Variants in PDE4B observed in about 807,000 individuals in gnomAD.
PDE4B encodes 3',5'-cyclic-AMP phosphodiesterase 4B.
In PDE4B, 20 loss-of-function variants were observed where a neutral mutation model predicts 82.2. The observed-to-expected ratio is 0.24, with a 90% CI of 0.17 to 0.35. PDE4B has a LOEUF of 0.35. Among genes scored for constraint, PDE4B ranks in the 10% least tolerant of loss-of-function variants. The pLI is 1.00. For synonymous variants in PDE4B, 320 were observed against 318.9 expected, an observed-to-expected ratio of 1.00 and a Z score of -0.04; for missense variants, 655 against 907.2, an observed-to-expected ratio of 0.72 and a Z score of 3.57.
rs544789956 is a variant in PDE4B at position 66,298,090 on chromosome 1, G to A, written c.634+32003G>A. Among the ~76,000 whole-genome samples, 20 of 152,188 alleles carry A rather than the reference G, an allele frequency of 1.3e-4. No individual in the cohort carries two copies. In the South Asian group the frequency reaches 3.9e-3, roughly 30 times the overall value. On this transcript the variant is annotated intron_variant, in intron 7 of 16. Coordinates refer to ENST00000341517, the MANE Select transcript of PDE4B (RefSeq NM_002600.4). The stretch of plus-strand genomic sequence containing the variant: ...TACTAAGATGATATAAAAGAGAGTG[G>A]CAAATCCTATAGCACTGTGCTAATT...
intron 1 of PDE4B, among the ~76,000 whole-genome samples, chr1:65,877,916 A>G (rs1646665001): frequency 6.6e-6 from 1 of 152,162 alleles, no homozygotes. Context: ...GGTTCTGCAC[A>G]GCAAAAGAAA....
intron 7 of PDE4B, among the ~76,000 whole-genome samples, chr1:66,290,177 A>G (rs930203357): frequency 1.1e-4 from 16 of 152,156 alleles, no homozygotes; most frequent in African/African-American, 3.6e-4. Context: ...AAGTTTTAAG[A>G]GTTGCACAGA....
intron 3 of PDE4B, among the ~76,000 whole-genome samples, chr1:66,083,251 C>G (rs1316034296): frequency 1.3e-5 from 2 of 152,074 alleles, no homozygotes; most frequent in Non-Finnish European, 2.9e-5. Context: ...CCTCCTCTGT[C>G]AAGTCTGAAG....
At chr1:65,992,695 A>G (rs1165789507) in intron 3 of PDE4B, 1 of 1,304,392 alleles carries the variant, frequency 7.7e-7, no homozygotes, top group Non-Finnish European at 9.7e-7. Flanking sequence ...TCAGAGGCAA[A>G]GCCAGCCTGA....
chr1:66,288,765 TAAG>T (rs1487762856), intron 7 of PDE4B, among the ~76,000 whole-genome samples: 4 of 152,038 alleles, frequency 2.6e-5, no homozygotes, highest in African/African-American at 9.7e-5. Flanking sequence ...ATGGCAGTGA[TAAG>T]GAGTTCACAG....
intron 3 of PDE4B, among the ~76,000 whole-genome samples, chr1:66,197,476 T>C (rs1431436881): frequency 6.6e-6 from 1 of 152,124 alleles, no homozygotes; most frequent in African/African-American, 2.4e-5. Context: ...GAGACACACA[T>C]GATATTTATA....
At chr1:66,085,945 A>G (rs1656984204) in intron 3 of PDE4B, among the ~76,000 whole-genome samples, 1 of 152,092 alleles carries the variant, frequency 6.6e-6, no homozygotes, top group Non-Finnish European at 1.5e-5. Context: ...TTGTGATTTA[A>G]AATGGAGAAA....
intron 1 of PDE4B, among the ~76,000 whole-genome samples, chr1:65,807,830 G>A (rs767023968): frequency 6.6e-6 from 1 of 152,164 alleles, no homozygotes; most frequent in African/African-American, 2.4e-5. Flanking sequence ...GTGGCCCCTT[G>A]GTTGGTGTCA....
At chr1:66,301,319 A>G (rs1023331723) in intron 7 of PDE4B, among the ~76,000 whole-genome samples, 3 of 152,148 alleles carry the variant, frequency 2.0e-5, no homozygotes, top group Non-Finnish European at 2.9e-5. Context: ...CAGCCCTGTA[A>G]GAGGTTTGGG....
At chr1:65,839,314 G>C (rs1170967508) in intron 1 of PDE4B, among the ~76,000 whole-genome samples, 1 of 151,528 alleles carries the variant, frequency 6.6e-6, no homozygotes, top group Non-Finnish European at 1.5e-5. Flanking sequence ...TACATGTGCA[G>C]AACATGCAGG....
intron 7 of PDE4B, chr1:66,332,056 A>G (rs1660153230): frequency 1.9e-6 from 2 of 1,079,900 alleles, no homozygotes; most frequent in South Asian, 3.7e-5. Context: ...AAGCAAAATG[A>G]GAAAAAGCTT....
In PDE4B at chr1:66,041,472, C is replaced by G. The variant is rs142760605; in HGVS notation, c.281+122637C>G. Among the ~76,000 whole-genome samples, 352 of 152,026 alleles carry G rather than the reference C, an allele frequency of 2.3e-3. 2 individuals carry two copies. The highest frequency in any genetic ancestry group is 8.0e-3 in the African/African-American group (331 of 41,512). ...TCTCTCCTTCTTTCTCTTTCTCCAA[C>G]TTAAGACCCAGGTATATAGAACCAT... On this transcript the variant is annotated intron_variant, in intron 3 of 16. Coordinates refer to ENST00000341517, the MANE Select transcript of PDE4B (RefSeq NM_002600.4).
intron 16 of PDE4B, among the ~76,000 whole-genome samples, chr1:66,371,580 A>G (rs1291179620): frequency 6.6e-6 from 1 of 151,956 alleles, no homozygotes; most frequent in African/African-American, 2.4e-5. Context: ...CCCTTCTTTC[A>G]CCTGTTGGAA....
chr1:65,808,363 T>A (rs1054659309), intron 1 of PDE4B, among the ~76,000 whole-genome samples: 1 of 152,016 alleles, frequency 6.6e-6, no homozygotes, highest in African/African-American at 2.4e-5. Flanking sequence ...AGAGACAGGG[T>A]CTTGCTACGT....
intron 3 of PDE4B, among the ~76,000 whole-genome samples, chr1:65,993,904 C>G (rs996527711): frequency 2.6e-5 from 4 of 151,958 alleles, no homozygotes; most frequent in Non-Finnish European, 4.4e-5. Context: ...GGGTAACGTC[C>G]TTAAACAGTA....
intron 3 of PDE4B, among the ~76,000 whole-genome samples, chr1:66,107,467 A>G (rs1305787097): frequency 1.3e-5 from 2 of 151,814 alleles, no homozygotes; most frequent in Non-Finnish European, 2.9e-5. Context: ...TTCTTCACTT[A>G]AAAAAGGTTT....
intron 3 of PDE4B, among the ~76,000 whole-genome samples, chr1:66,025,441 A>G (rs1270729558): frequency 1.3e-5 from 2 of 152,196 alleles, no homozygotes; most frequent in African/African-American, 2.4e-5. Context: ...CTCATAGAGT[A>G]TAAATCTGGG....
At chr1:65,887,412 C>CT (rs1285765740) in intron 1 of PDE4B, among the ~76,000 whole-genome samples, 13 of 6,934 alleles carry the variant, frequency 1.9e-3, no homozygotes, top group East Asian at 0.014. Flanking sequence ...TCTTTTTCTT[C>CT]TGTTTTTTTT....
chr1:66,338,224 A>G (rs1660672328), intron 8 of PDE4B, among the ~76,000 whole-genome samples: 1 of 152,256 alleles, frequency 6.6e-6, no homozygotes, highest in African/African-American at 2.4e-5. Context: ...GGTAAATCAT[A>G]GAGCCAGGAT....
Sources: gnomAD v4.1 joint callset for allele counts (sites outside exome capture counted in the v4.1 genomes callset) on GRCh38, gnomAD v4.1.1 for gene constraint, MANE v1.5 for transcripts, NCBI Gene and HGNC (gene_info 2026-07-23, HGNC 2026-07-21) for gene names.